The following PRKN variants were observed in gnomAD, a reference collection of about 807,000 sequenced individuals.
PRKN encodes E3 ubiquitin-protein ligase parkin.
In PRKN, 56 loss-of-function variants were observed where a neutral mutation model predicts 59.5. The ratio of observed to expected loss-of-function variants is 0.94; its 90% confidence interval spans 0.76 to 1.18. The LOEUF is 1.18. PRKN is among the 50% of genes most tolerant of loss of function. PRKN has a pLI of 0.00. For synonymous variants in PRKN, 250 were observed against 222.1 expected, an observed-to-expected ratio of 1.13 and a Z score of -1.12; for missense variants, 657 against 596.4, an observed-to-expected ratio of 1.10 and a Z score of -1.06.
intron 6 of PRKN, among the ~76,000 whole-genome samples, chr6:161,918,797 T>C (rs1313313550): frequency 1.3e-5 from 2 of 152,172 alleles, no homozygotes; most frequent in African/African-American, 2.4e-5. Flanking sequence ...ACTGGGTTAA[T>C]AAGCACATGG....
At chr6:162,128,393 A>T (rs1396552717) in intron 4 of PRKN, among the ~76,000 whole-genome samples, 2 of 152,208 alleles carry the variant, frequency 1.3e-5, no homozygotes, top group Admixed American at 6.5e-5. Context: ...TTGACTACAG[A>T]TAATGCATCA....
At chr6:162,078,095 T>G (rs1582999630) in intron 4 of PRKN, among the ~76,000 whole-genome samples, 1 of 152,132 alleles carries the variant, frequency 6.6e-6, no homozygotes, top group African/African-American at 2.4e-5. Context: ...AAGTTGAAAT[T>G]TGATATTCCA....
chr6:161,896,586 G>A (rs1417591803), intron 6 of PRKN, among the ~76,000 whole-genome samples: 3 of 152,116 alleles, frequency 2.0e-5, no homozygotes, highest in Non-Finnish European at 4.4e-5. Context: ...CAATGATAAG[G>A]CAATAGATAA....
Position 161,526,778 on chromosome 6 carries a change from A to C in PRKN, c.1083+22076T>G, listed in dbSNP as rs190733529. On this transcript the variant is annotated intron_variant, in intron 9 of 11. Coordinates refer to ENST00000366898, the MANE Select transcript of PRKN (RefSeq NM_004562.3). The surrounding 1 kb of genome is among the most constrained non-coding windows in gnomAD (Gnocchi z 4.1). ...GTAGTCTATGAAATAAACTGACAGT[A>C]GACAGATCAACACGATAAAATACAT... Among the ~76,000 whole-genome samples the C allele has an allele frequency of 1.3e-5, 2 of 152,298 alleles. No individual in the cohort carries two copies. The highest frequency in any genetic ancestry group is 4.8e-5 in the African/African-American group (2 of 41,578).
chr6:161,378,727 G>A lies in PRKN; in HGVS notation c.1167+8067C>T, dbSNP rs547783213. ...TGAGACGGATGGACCAGGCTTGCACGATGCCGCTGGAGCTGCACTGTGATG... is the reference window on the plus strand; with the variant it reads ...TGAGACGGATGGACCAGGCTTGCACAATGCCGCTGGAGCTGCACTGTGATG... On this transcript the variant is annotated intron_variant, in intron 10 of 11. Transcript: ENST00000366898. This position sits in a 1 kb window ranked among gnomAD's most constrained non-coding sequence, Gnocchi z 7.3. Among the ~76,000 whole-genome samples, 98 of 152,332 alleles carry A rather than the reference G, an allele frequency of 6.4e-4. No individual in the cohort carries two copies. Among genetic ancestry groups the A allele is most frequent in the Admixed American group, 5.0e-3 (76 of 15,300 alleles).
chr6:162,543,650 C>T (rs2846488), intron 1 of PRKN, among the ~76,000 whole-genome samples: 66,559 of 151,944 alleles, frequency 0.44, 16,917 homozygotes, highest in Non-Finnish European at 0.58. Context: ...CTTGTAATTA[C>T]TCAGACCCTG....
At chr6:162,727,539 G>C in intron 1 of PRKN, 123 bp downstream of exon 1, 1 of 1,110,136 alleles carries the variant, frequency 9.0e-7, no homozygotes, top group Non-Finnish European at 1.3e-6. Context: ...GGGACGGCAC[G>C]GGCACTTTGG....
At chr6:162,477,639 G>T (rs1400063473) in intron 1 of PRKN, among the ~76,000 whole-genome samples, 3 of 151,990 alleles carry the variant, frequency 2.0e-5, no homozygotes, top group Non-Finnish European at 2.9e-5. Context: ...CCTATTTCTT[G>T]CTATACTTTC....
intron 7 of PRKN, among the ~76,000 whole-genome samples, chr6:161,699,635 T>G (rs1298793233): frequency 1.3e-5 from 2 of 152,192 alleles, no homozygotes; most frequent in Non-Finnish European, 2.9e-5. Context: ...TATTATTCTA[T>G]TTATATAATA....
intron 2 of PRKN, among the ~76,000 whole-genome samples, chr6:162,403,398 TC>T (rs1308149271): frequency 2.0e-5 from 3 of 152,144 alleles, no homozygotes; most frequent in African/African-American, 7.2e-5. Context: ...GGTCGACCAC[TC>T]CGCCTTATTT....
intron 5 of PRKN, among the ~76,000 whole-genome samples, chr6:162,000,791 CA>C (rs1782024269): frequency 6.6e-6 from 1 of 151,752 alleles, no homozygotes; most frequent in Non-Finnish European, 1.5e-5. Context: ...TGCACTTTAA[CA>C]GTGAGGACTA....
chr6:162,243,540 A>G (rs957119203), intron 3 of PRKN, among the ~76,000 whole-genome samples: 1 of 152,160 alleles, frequency 6.6e-6, no homozygotes, highest in Non-Finnish European at 1.5e-5. Context: ...TCAGTATAAC[A>G]GGTACATTTA....
At chr6:162,553,750 C>T (rs543601512) in intron 1 of PRKN, among the ~76,000 whole-genome samples, 29 of 121,190 alleles carry the variant, frequency 2.4e-4, no homozygotes, top group Admixed American at 2.0e-3. Flanking sequence ...TGCAGTGAGA[C>T]GAGATTGCAT....
At chr6:162,183,784 C>T (rs1324553132) in intron 4 of PRKN, among the ~76,000 whole-genome samples, 2 of 152,150 alleles carry the variant, frequency 1.3e-5, no homozygotes, top group Admixed American at 6.5e-5. Context: ...CAGTATGCCG[C>T]CCCTCGATCC....
At chr6:162,584,038 C>A (rs1175655361) in intron 1 of PRKN, among the ~76,000 whole-genome samples, 2 of 151,876 alleles carry the variant, frequency 1.3e-5, no homozygotes, top group Non-Finnish European at 2.9e-5. Flanking sequence ...ACGGTGAAAC[C>A]CCCTCTCTAC....
At chr6:161,847,589 T>C (rs1017090667) in intron 6 of PRKN, among the ~76,000 whole-genome samples, 1 of 126,876 alleles carries the variant, frequency 7.9e-6, no homozygotes. Context: ...ATTTTAGTCT[T>C]TGCCTTTTTT....
chr6:161,976,432 C>G (rs772018883), intron 5 of PRKN, among the ~76,000 whole-genome samples: 14 of 152,136 alleles, frequency 9.2e-5, no homozygotes, highest in Non-Finnish European at 1.3e-4. Flanking sequence ...TGTGATGGGC[C>G]CAGGCTCAGG....
At position 161,475,220 on chromosome 6, in the gene PRKN, G is replaced by A. The variant is rs939302527; in HGVS notation, c.1083+73634C>T. 4.6e-5 allele frequency among the ~76,000 whole-genome samples: 7 copies of A among 152,190 alleles called. No homozygotes were observed. ...TACCTATACTTATAGTAGATTGCATGTGATCGCTGCTGTCCTATCAACTGG... is the reference window on the plus strand; with the variant it reads ...TACCTATACTTATAGTAGATTGCATATGATCGCTGCTGTCCTATCAACTGG... On this transcript the variant is annotated intron_variant, in intron 9 of 11. Coordinates refer to ENST00000366898, the MANE Select transcript of PRKN (RefSeq NM_004562.3). The surrounding 1 kb of genome is among the most constrained non-coding windows in gnomAD (Gnocchi z 5.3).
At chr6:162,308,931 T>A (rs1043193457) in intron 2 of PRKN, among the ~76,000 whole-genome samples, 1 of 152,058 alleles carries the variant, frequency 6.6e-6, no homozygotes, top group African/African-American at 2.4e-5. Context: ...GATATTTTAA[T>A]GCAAATACTC....
Sources: gnomAD v4.1 joint callset for allele counts (sites outside exome capture counted in the v4.1 genomes callset) on GRCh38, gnomAD v4.1.1 for gene constraint, Gnocchi (gnomAD v3.1) non-coding constraint, MANE v1.5 for transcripts, NCBI Gene and HGNC (gene_info 2026-07-23, HGNC 2026-07-21) for gene names.